CPQ: variants seen among roughly 807,000 people sequenced by gnomAD.
The protein encoded by CPQ is carboxypeptidase Q.
CPQ carries 37 observed loss-of-function variants against 45.7 expected under a neutral mutation model. That is an observed-to-expected ratio of 0.81 (90% CI 0.62 to 1.07). CPQ has a LOEUF of 1.07. Ranked by LOEUF, CPQ falls within the 50% of genes least tolerant of loss-of-function variation. CPQ has a pLI of 0.00. For missense variants in CPQ, 537 were observed against 572.9 expected, an observed-to-expected ratio of 0.94 and a Z score of 0.64; for synonymous variants, 186 against 205.8, an observed-to-expected ratio of 0.90 and a Z score of 0.82.
At chr8:96,919,043 A>G (rs75789234) in intron 4 of CPQ, among the ~76,000 whole-genome samples, 2,864 of 152,148 alleles carry the variant, frequency 0.019, 48 homozygotes, top group Non-Finnish European at 0.023. Context: ...AAGTTACTCT[A>G]GCTTTACTGT....
intron 4 of CPQ, among the ~76,000 whole-genome samples, chr8:96,915,043 C>T (rs1812713450): frequency 1.3e-5 from 2 of 152,090 alleles, no homozygotes; most frequent in South Asian, 2.1e-4. Flanking sequence ...TGTCAGTTTC[C>T]AGGGTTATCC....
In CPQ at chr8:97,023,011, A is replaced by G. The variant is rs150588030; in HGVS notation, c.962-6392A>G. ...TATATATATACAGTATATATATACT[A>G]TATATAGTATATATATACAGTATAT... On this transcript the variant is annotated intron_variant, in intron 5 of 7. Transcript: ENST00000220763. Among the ~76,000 whole-genome samples, 713 of 142,266 alleles carry G rather than the reference A, an allele frequency of 5.0e-3. 27 individuals carry two copies. The highest frequency in any genetic ancestry group is 0.047 in the Admixed American group (564 of 12,000). The allele number at this position is 142,266 out of a possible 152,430, so 93.3% of individuals were successfully genotyped here.
At chr8:97,016,654 C>A (rs367583434) in intron 5 of CPQ, among the ~76,000 whole-genome samples, 6 of 152,092 alleles carry the variant, frequency 3.9e-5, no homozygotes, top group Non-Finnish European at 7.4e-5. Flanking sequence ...GAGAAAGGGG[C>A]AGCCAACTCT....
At chr8:96,651,216 T>C (rs1815572647) in intron 1 of CPQ, among the ~76,000 whole-genome samples, 1 of 152,170 alleles carries the variant, frequency 6.6e-6, no homozygotes, top group South Asian at 2.1e-4. Flanking sequence ...AAAACTCAGC[T>C]GGGAAATGGA....
intron 4 of CPQ, among the ~76,000 whole-genome samples, chr8:96,931,807 A>T (rs547502314): frequency 7.2e-5 from 11 of 152,312 alleles, no homozygotes; most frequent in African/African-American, 2.6e-4. Flanking sequence ...TTCATTTGGT[A>T]GGGCTGGGAA....
chr8:97,054,953 GGGGGAA>G (rs1810426764), intron 6 of CPQ, among the ~76,000 whole-genome samples: 1 of 152,102 alleles, frequency 6.6e-6, no homozygotes, highest in Non-Finnish European at 1.5e-5. Flanking sequence ...TAGAGTTCAG[GGGGGAA>G]GTCTACAGAT....
At chr8:96,807,738 C>T (rs962297140) in intron 2 of CPQ, among the ~76,000 whole-genome samples, 15 of 152,188 alleles carry the variant, frequency 9.9e-5, no homozygotes, top group African/African-American at 3.1e-4. Context: ...AGTACAACTA[C>T]AGTTTCTCTA....
intron 7 of CPQ, among the ~76,000 whole-genome samples, chr8:97,141,836 G>C (rs1812170554): frequency 6.6e-6 from 1 of 152,152 alleles, no homozygotes. Flanking sequence ...ATATATGTTT[G>C]AATGGAAAAA....
chr8:97,099,553 T>TC (rs949273033), intron 7 of CPQ, among the ~76,000 whole-genome samples: 16 of 151,860 alleles, frequency 1.1e-4, no homozygotes, highest in African/African-American at 3.9e-4. Flanking sequence ...TATGTGTGTT[T>TC]TTTTTTTTTC....
At chr8:97,140,325 A>T (rs1236921353) in intron 7 of CPQ, among the ~76,000 whole-genome samples, 1 of 151,930 alleles carries the variant, frequency 6.6e-6, no homozygotes, top group Non-Finnish European at 1.5e-5. Flanking sequence ...AATAACCAGG[A>T]AATAAATAAT....
At chr8:96,688,957 C>G (rs768204666) in intron 1 of CPQ, among the ~76,000 whole-genome samples, 1 of 152,138 alleles carries the variant, frequency 6.6e-6, no homozygotes, top group Non-Finnish European at 1.5e-5. Flanking sequence ...CATGTAGGCT[C>G]TTAACCTCAT....
intron 1 of CPQ, among the ~76,000 whole-genome samples, chr8:96,706,686 A>T (rs1217201086): frequency 6.6e-6 from 1 of 152,208 alleles, no homozygotes; most frequent in Non-Finnish European, 1.5e-5. Flanking sequence ...ATTCATTGAC[A>T]GTAACTGCTT....
intron 1 of CPQ, among the ~76,000 whole-genome samples, chr8:96,767,939 C>T (rs1810490793): frequency 6.6e-6 from 1 of 152,016 alleles, no homozygotes; most frequent in African/African-American, 2.4e-5. Flanking sequence ...CCACCGTGCC[C>T]GGCCCCATGC....
chr8:96,797,712 T>C (rs2130819644), intron 2 of CPQ, among the ~76,000 whole-genome samples: 1 of 151,552 alleles, frequency 6.6e-6, no homozygotes, highest in Non-Finnish European at 1.5e-5. Flanking sequence ...AGGTTAGGAG[T>C]TTGAGACCAG....
intron 1 of CPQ, among the ~76,000 whole-genome samples, chr8:96,647,721 G>A (rs1815533635): frequency 6.6e-6 from 1 of 152,202 alleles, no homozygotes; most frequent in Non-Finnish European, 1.5e-5. Flanking sequence ...CTGAATTATA[G>A]GGGAGTTGGT....
At chr8:96,897,549 C>G (rs1180123360) in intron 4 of CPQ, among the ~76,000 whole-genome samples, 1 of 152,002 alleles carries the variant, frequency 6.6e-6, no homozygotes, top group African/African-American at 2.4e-5. Context: ...GGGTCACAGT[C>G]AAAAGGTAGT....
At chr8:96,833,906 T>C (rs1234876207) in intron 2 of CPQ, among the ~76,000 whole-genome samples, 1 of 152,222 alleles carries the variant, frequency 6.6e-6, no homozygotes, top group Non-Finnish European at 1.5e-5. Flanking sequence ...CAAGTAACAG[T>C]TAACATTTGT....
At chr8:96,964,957 A>G (rs1813530330) in intron 4 of CPQ, among the ~76,000 whole-genome samples, 1 of 152,182 alleles carries the variant, frequency 6.6e-6, no homozygotes, top group Non-Finnish European at 1.5e-5. Context: ...AAATGTGTCC[A>G]CAAAATTTAG....
intron 7 of CPQ, among the ~76,000 whole-genome samples, chr8:97,115,146 C>T (rs1811562978): frequency 6.6e-6 from 1 of 152,186 alleles, no homozygotes; most frequent in African/African-American, 2.4e-5. Context: ...AGCTTATTAG[C>T]ATCCTGCTCC....
Sources: gnomAD v4.1 joint callset for allele counts (sites outside exome capture counted in the v4.1 genomes callset) on GRCh38, gnomAD v4.1.1 for gene constraint, MANE v1.5 for transcripts, NCBI Gene and HGNC (gene_info 2026-07-23, HGNC 2026-07-21) for gene names.